SCGB2B2: variants seen among roughly 807,000 people sequenced by gnomAD.
The protein encoded by SCGB2B2 is secretoglobin family 2B member 2.
Under a neutral mutation model 7.6 loss-of-function variants are expected in SCGB2B2, and 11 were observed. That is an observed-to-expected ratio of 1.45 (90% CI 0.91 to 2.40). The LOEUF (loss-of-function observed/expected upper bound fraction) is 2.40. Ranked by LOEUF, SCGB2B2 falls within the 30% of genes most tolerant of loss-of-function variation. The pLI, the probability that SCGB2B2 is intolerant of heterozygous loss-of-function variation, is 0.00. For synonymous variants in SCGB2B2, 50 were observed against 48.6 expected, an observed-to-expected ratio of 1.03 and a Z score of -0.12; for missense variants, 104 against 115.4, an observed-to-expected ratio of 0.90 and a Z score of 0.45.
intron 1 of SCGB2B2, among the ~76,000 whole-genome samples, chr19:34,630,658 T>C (rs1034650051): frequency 6.7e-6 from 1 of 149,190 alleles, no homozygotes; most frequent in Non-Finnish European, 1.5e-5. Context: ...ACTTTTACAC[T>C]GTTGGTGGGA....
chr19:34,611,173 T>C (rs906573240), intron 1 of SCGB2B2, among the ~76,000 whole-genome samples: 1 of 151,492 alleles, frequency 6.6e-6, no homozygotes, highest in Non-Finnish European at 1.5e-5. Context: ...TGATGTCTAC[T>C]ATTTCATTTT....
At chr19:34,635,552 A>G (rs16969572) in intron 1 of SCGB2B2, 5,491 of 257,422 alleles carry the variant, frequency 0.021, 90 homozygotes, top group East Asian at 0.059. Context: ...TCTGGTGTAC[A>G]GTAAGGCTAG....
intron 1 of SCGB2B2, among the ~76,000 whole-genome samples, chr19:34,660,494 C>T (rs935688392): frequency 3.3e-5 from 5 of 152,174 alleles, no homozygotes; most frequent in Non-Finnish European, 7.3e-5. Context: ...AGACACTTCT[C>T]AAAAGAAGAC....
At chr19:34,661,136 TG>T (rs968492249) in intron 1 of SCGB2B2, among the ~76,000 whole-genome samples, 1 of 52,912 alleles carries the variant, frequency 1.9e-5, no homozygotes, top group Non-Finnish European at 3.8e-5. Context: ...GGTGGGGGGC[TG>T]GGGTAGGGAT....
intron 1 of SCGB2B2, chr19:34,645,618 G>A (rs2146038941): frequency 3.3e-6 from 1 of 304,354 alleles, no homozygotes; most frequent in East Asian, 1.0e-4. Context: ...GCTCATCCAT[G>A]GCCAAGTCCC....
downstream of SCGB2B2, among the ~76,000 whole-genome samples, chr19:34,587,420 GT>G (rs1158612811): frequency 6.6e-6 from 1 of 152,120 alleles, no homozygotes; most frequent in African/African-American, 2.4e-5. Context: ...AGTTCTGAGA[GT>G]TTTTTGGTGG....
chr19:34,607,400 T>C (rs1466511725), intron 1 of SCGB2B2, among the ~76,000 whole-genome samples: 2 of 152,206 alleles, frequency 1.3e-5, no homozygotes, highest in Non-Finnish European at 2.9e-5. Flanking sequence ...TTGGTGACCA[T>C]GAATAATGCT....
In SCGB2B2 at chr19:34,593,451, G is replaced by T; in HGVS notation, c.*104C>A. 2.5e-6 allele frequency: 2 copies of T among 794,664 alleles called. No homozygotes were observed. Among genetic ancestry groups the T allele is most frequent in the Non-Finnish European group, 2.1e-6 (1 of 475,150 alleles). 49.2% of individuals were successfully genotyped at this position (794,664 alleles called of 1,614,324 possible). On this transcript the variant is annotated 3_prime_UTR_variant, in exon 4 of 4. Transcript: ENST00000601241. ...GCCAGAACACAGAACTGAGCTGCAGGTGTTCATTGGGGTCTCTGTAGTGAT... is the reference window on the plus strand; with the variant it reads ...GCCAGAACACAGAACTGAGCTGCAGTTGTTCATTGGGGTCTCTGTAGTGAT...
At chr19:34,662,902 G>A (rs949364644) in intron 1 of SCGB2B2, among the ~76,000 whole-genome samples, 2 of 152,096 alleles carry the variant, frequency 1.3e-5, no homozygotes, top group Non-Finnish European at 2.9e-5. Flanking sequence ...CTGTACTTTA[G>A]CCTGGGCGGC....
intron 1 of SCGB2B2, among the ~76,000 whole-genome samples, chr19:34,675,325 A>C (rs9789337): frequency 0.12 from 18,265 of 152,166 alleles, 1,138 homozygotes; most frequent in East Asian, 0.22. Flanking sequence ...CCTTGAGAGG[A>C]AGCCAGCTGA....
intron 1 of SCGB2B2, among the ~76,000 whole-genome samples, chr19:34,663,725 C>T (rs987911871): frequency 1.3e-5 from 2 of 150,430 alleles, no homozygotes; most frequent in African/African-American, 4.9e-5. Context: ...TCATATGTCA[C>T]AATAGAAAGA....
At chr19:34,620,799 A>G (rs1401199929) in intron 1 of SCGB2B2, among the ~76,000 whole-genome samples, 1 of 152,182 alleles carries the variant, frequency 6.6e-6, no homozygotes, top group Non-Finnish European at 1.5e-5. Context: ...ATCTTATAGT[A>G]TTAACATCAC....
At chr19:34,601,191 C>T (rs2065613478) in intron 1 of SCGB2B2, among the ~76,000 whole-genome samples, 1 of 152,172 alleles carries the variant, frequency 6.6e-6, no homozygotes, top group African/African-American at 2.4e-5. Flanking sequence ...AAATCAAGTG[C>T]ACCATAGAGG....
intron 1 of SCGB2B2, among the ~76,000 whole-genome samples, chr19:34,625,378 A>C (rs2066343574): frequency 6.6e-6 from 1 of 152,210 alleles, no homozygotes; most frequent in Non-Finnish European, 1.5e-5. Context: ...AGTCAAAGAA[A>C]GGGGTGACAG....
downstream of SCGB2B2, among the ~76,000 whole-genome samples, chr19:34,586,036 A>G (rs1457134571): frequency 1.3e-5 from 2 of 152,200 alleles, no homozygotes; most frequent in East Asian, 3.8e-4. Context: ...GTTTATGTCT[A>G]TACCTTGGCC....
rs2145728303 is a variant in SCGB2B2 at position 34,592,806 on chromosome 19, C to T, written c.*749G>A. ...GCCTCATGCAGATTGCCTGGTCCCA[C>T]CAGCCCCAGGAGCAGAGCTGAGCTG... On this transcript the variant is annotated 3_prime_UTR_variant, in exon 4 of 4. Coordinates refer to ENST00000601241, the MANE Select transcript of SCGB2B2 (RefSeq NM_001025591.4). Among the ~76,000 whole-genome samples, 1 of 152,296 alleles carries T rather than the reference C, an allele frequency of 6.6e-6. No individual in the cohort carries two copies. Among genetic ancestry groups the T allele is most frequent in the Non-Finnish European group, 1.5e-5 (1 of 68,028 alleles).
At chr19:34,668,913 A>G (rs546817447) in intron 1 of SCGB2B2, among the ~76,000 whole-genome samples, 11 of 152,102 alleles carry the variant, frequency 7.2e-5, no homozygotes, top group Non-Finnish European at 1.6e-4. Flanking sequence ...GGGGCCAGAT[A>G]AGAGAGTAAA....
At chr19:34,644,365 T>G (rs1013802041) in intron 1 of SCGB2B2, among the ~76,000 whole-genome samples, 1 of 148,236 alleles carries the variant, frequency 6.7e-6, no homozygotes, top group Admixed American at 6.6e-5. Flanking sequence ...TTTTTTTGTT[T>G]TTTTTTTTTT....
At chr19:34,612,426 G>A (rs892390447) in intron 1 of SCGB2B2, among the ~76,000 whole-genome samples, 1 of 152,132 alleles carries the variant, frequency 6.6e-6, no homozygotes, top group African/African-American at 2.4e-5. Flanking sequence ...CATTCAATAT[G>A]TAATAATCAC....
Sources: allele counts gnomAD v4.1 joint callset (sites outside exome capture counted in the v4.1 genomes callset), GRCh38; gene constraint gnomAD v4.1.1; transcripts MANE v1.5; gene names NCBI Gene and HGNC (gene_info 2026-07-23, HGNC 2026-07-21).